The following MYZAP variants were observed in gnomAD, a reference collection of about 807,000 sequenced individuals.
The protein encoded by MYZAP is GRINL1A complex locus upstream.
A neutral mutation model predicts 69.4 loss-of-function variants in MYZAP; 66 were observed. That is an observed-to-expected ratio of 0.95 (90% CI 0.78 to 1.17). The LOEUF is 1.17. Ranked by LOEUF, MYZAP falls within the 50% of genes most tolerant of loss-of-function variation. The pLI, the probability that MYZAP is intolerant of heterozygous loss-of-function variation, is 0.00. For synonymous variants in MYZAP, 256 were observed against 205.9 expected (o/e 1.24, Z -2.09); for missense variants, 611 against 556.2 (o/e 1.10, Z -0.99).
intron 11 of MYZAP, among the ~76,000 whole-genome samples, chr15:57,671,387 G>A (rs1206762408): frequency 6.6e-6 from 1 of 151,990 alleles, no homozygotes; most frequent in Non-Finnish European, 1.5e-5. Flanking sequence ...TATCCTGTTT[G>A]GGGTTTACTG....
intron 9 of MYZAP, among the ~76,000 whole-genome samples, chr15:57,638,809 C>G (rs1468094426): frequency 6.6e-6 from 1 of 152,178 alleles, no homozygotes; most frequent in East Asian, 1.9e-4. Context: ...TTTTGGTATT[C>G]TGCCGTTGAT....
chr15:57,613,162 G>A (rs1458496299), intron 2 of MYZAP, among the ~76,000 whole-genome samples: 1 of 152,048 alleles, frequency 6.6e-6, no homozygotes, highest in East Asian at 1.9e-4. Flanking sequence ...TCCATCTCCT[G>A]ACCTTGTGAT....
chr15:57,641,432 G>C (rs1274236145), intron 10 of MYZAP, among the ~76,000 whole-genome samples: 1 of 152,136 alleles, frequency 6.6e-6, no homozygotes, highest in Non-Finnish European at 1.5e-5. Flanking sequence ...GTATATGTGT[G>C]TGTGTAGGGA....
intron 1 of MYZAP, among the ~76,000 whole-genome samples, chr15:57,601,274 T>TGTG (rs2034394408): frequency 6.7e-6 from 1 of 148,248 alleles, no homozygotes; most frequent in African/African-American, 2.5e-5. Context: ...GTGTGCACAC[T>TGTG]TGTGTGTGTG....
intron 11 of MYZAP, among the ~76,000 whole-genome samples, chr15:57,672,786 A>G (rs1284784985): frequency 6.6e-6 from 1 of 152,166 alleles, no homozygotes; most frequent in Non-Finnish European, 1.5e-5. Flanking sequence ...TGGAATACTC[A>G]TCACCTTTGA....
intron 1 of MYZAP, among the ~76,000 whole-genome samples, chr15:57,596,686 C>G (rs1476065760): frequency 2.6e-5 from 4 of 152,200 alleles, no homozygotes; most frequent in Non-Finnish European, 5.9e-5. Flanking sequence ...AGTGTAGCAT[C>G]CAGGCCCTCT....
At position 57,625,881 on chromosome 15, in the gene MYZAP, A is replaced by G. The variant is rs1393615038; in HGVS notation, c.514A>G (p.Ile172Val). 3 of 1,614,174 alleles carry G rather than the reference A, an allele frequency of 1.9e-6. No homozygotes were observed. Among genetic ancestry groups the G allele is most frequent in the Non-Finnish European group, 2.5e-6 (3 of 1,180,016 alleles). Residue 172 changes from isoleucine to valine, a missense_variant, in exon 5 of 13, where the codon ATT becomes GTT. Ile to Val is a conservative substitution (Grantham distance 29). Transcript: ENST00000267853. ...AMNSALASDS[I>V]GLQKTLVDVT... is the part of the protein sequence containing the mutation. ...GAACTCAGCCTTGGCATCAGATTCCATTGGCCTGCAGGTACTCATCTGCTT... is the reference window on the plus strand; with the variant it reads ...GAACTCAGCCTTGGCATCAGATTCCGTTGGCCTGCAGGTACTCATCTGCTT...
intron 1 of MYZAP, among the ~76,000 whole-genome samples, chr15:57,598,753 C>G (rs2034225966): frequency 6.6e-6 from 1 of 152,160 alleles, no homozygotes; most frequent in Non-Finnish European, 1.5e-5. Context: ...ATTTGCCTGT[C>G]CTACCCAGGC....
At chr15:57,632,333 G>A (rs1016536233) in intron 6 of MYZAP, 101 bp from the exon 7 acceptor site, 16 of 1,557,244 alleles carry the variant, frequency 1.0e-5, no homozygotes, top group African/African-American at 1.4e-5. Flanking sequence ...CAGTGGATGG[G>A]CTCACTACCT....
At position 57,673,014 on chromosome 15, in the gene MYZAP, A is replaced by G. The variant is rs906142447; in HGVS notation, c.1204-1954A>G. ...TCATGCCATATTTCTTTAACTTCTAACTCTTCCCTCACCTAATTTCACTGC... is the reference window on the plus strand; with the variant it reads ...TCATGCCATATTTCTTTAACTTCTAGCTCTTCCCTCACCTAATTTCACTGC... On this transcript the variant is annotated intron_variant, in intron 11 of 12. Coordinates refer to ENST00000267853, the MANE Select transcript of MYZAP (RefSeq NM_001018100.5). Among the ~76,000 whole-genome samples the G allele has an allele frequency of 2.2e-4, 33 of 151,848 alleles. 1 individual carries two copies. Among genetic ancestry groups the G allele is most frequent in the African/African-American group, 7.7e-4 (32 of 41,322 alleles).
rs1252778975 is a variant in MYZAP at position 57,617,881 on chromosome 15, A to G, written c.163-152A>G. The G allele has an allele frequency of 5.5e-6, 6 of 1,083,612 alleles. No homozygotes were observed. The African/African-American group carries it at 9.6e-5, about 17-fold the overall frequency. The allele number at this position is 1,083,612 out of a possible 1,614,324, so 67.1% of individuals were successfully genotyped here. A position where few individuals can be genotyped will look rare whatever the true frequency, so the allele number is the denominator to read the frequency against. On this transcript the variant is annotated intron_variant, in intron 2 of 12. Coordinates refer to ENST00000267853, the MANE Select transcript of MYZAP (RefSeq NM_001018100.5). ...TGCCAAATCACCTTGGTGAACAGAG[A>G]CTAGATGGGATTTTTGCTCCCTCCA...
Position 57,639,625 on chromosome 15 carries a change from C to T in MYZAP, c.1119+80C>T, listed in dbSNP as rs2037021721. ...ATCCCCAGAACAAGTCTGCCTTGCC[C>T]CTCCATTTCCTGTGGCTCACAAGCC... On this transcript the variant is annotated intron_variant, in intron 10 of 12. Coordinates refer to ENST00000267853, the MANE Select transcript of MYZAP (RefSeq NM_001018100.5). 1.1e-5 allele frequency: 16 copies of T among 1,495,012 alleles called. No homozygotes were observed. The South Asian group carries it at 2.0e-4, about 18-fold the overall frequency. The allele number at this position is 1,495,012 out of a possible 1,614,324, so 92.6% of individuals were successfully genotyped here. A position where few individuals can be genotyped will look rare whatever the true frequency, so the allele number is the denominator to read the frequency against.
intron 1 of MYZAP, among the ~76,000 whole-genome samples, chr15:57,595,055 C>G (rs536201973): frequency 1.3e-5 from 2 of 152,338 alleles, no homozygotes; most frequent in South Asian, 4.1e-4. Context: ...GTGGTGGTGA[C>G]AGCTGACACT....
intron 3 of MYZAP, among the ~76,000 whole-genome samples, chr15:57,618,843 C>T (rs1281638186): frequency 6.6e-6 from 1 of 152,108 alleles, no homozygotes; most frequent in East Asian, 1.9e-4. Flanking sequence ...GACTGATTCC[C>T]CTCTTGACCA....
At chr15:57,641,127 G>T (rs1353015570) in intron 10 of MYZAP, among the ~76,000 whole-genome samples, 1 of 152,112 alleles carries the variant, frequency 6.6e-6, no homozygotes, top group East Asian at 1.9e-4. Context: ...TCACCACAGG[G>T]GGGTGTCTGT....
chr15:57,607,261 A>C (rs1319783395), intron 2 of MYZAP, among the ~76,000 whole-genome samples: 1 of 152,116 alleles, frequency 6.6e-6, no homozygotes, highest in Non-Finnish European at 1.5e-5. Flanking sequence ...GATGTTCGTG[A>C]AAGGTTTCTG....
At chr15:57,613,676 G>A (rs1012803521) in intron 2 of MYZAP, among the ~76,000 whole-genome samples, 1 of 152,074 alleles carries the variant, frequency 6.6e-6, no homozygotes, top group Admixed American at 6.6e-5. Context: ...TGGCCATAAG[G>A]AGGTTTTAAA....
intron 4 of MYZAP, 98 bp downstream of exon 4, chr15:57,621,798 T>C (rs2035838021): frequency 1.9e-6 from 2 of 1,033,688 alleles, no homozygotes; most frequent in Non-Finnish European, 1.4e-6. Flanking sequence ...GTATCTAGTG[T>C]TCTTTATCAA....
intron 10 of MYZAP, chr15:57,646,677 T>C: frequency 2.0e-6 from 2 of 990,070 alleles, no homozygotes; most frequent in African/African-American, 3.5e-5. Flanking sequence ...CAGGTATCCA[T>C]GTGGTTTGGT....
Sources: gnomAD v4.1 joint callset for allele counts (sites outside exome capture counted in the v4.1 genomes callset) on GRCh38, gnomAD v4.1.1 for gene constraint, MANE v1.5 for transcripts, NCBI Gene and HGNC (gene_info 2026-07-23, HGNC 2026-07-21) for gene names.